EFR3A: variants seen among roughly 807,000 people sequenced by gnomAD.
EFR3A encodes protein EFR3 homolog A.
EFR3A carries 76 observed loss-of-function variants against 104.4 expected under a neutral mutation model. The ratio of observed to expected loss-of-function variants is 0.73; its 90% CI spans 0.60 to 0.88. EFR3A has a LOEUF of 0.88. Among genes scored for constraint, EFR3A ranks in the 40% least tolerant of loss-of-function variants. The pLI is 0.00. For missense variants in EFR3A, 985 were observed against 1,012.5 expected (o/e 0.97, Z 0.37); for synonymous variants, 330 against 330.0 (o/e 1.00, Z 0.00).
At chr8:131,962,841 T>G (rs1450091078) in intron 8 of EFR3A, among the ~76,000 whole-genome samples, 1 of 152,152 alleles carries the variant, frequency 6.6e-6, no homozygotes, top group Non-Finnish European at 1.5e-5. Context: ...TCAGCAAATG[T>G]AAAAGAACAG....
intron 1 of EFR3A, among the ~76,000 whole-genome samples, chr8:131,937,977 T>G (rs1188823102): frequency 6.6e-6 from 1 of 152,102 alleles, no homozygotes; most frequent in East Asian, 1.9e-4. Flanking sequence ...CTACTTTTAT[T>G]AAGCTAGCAA....
Position 131,955,929 on chromosome 8 carries a change from T to G in EFR3A, c.776+24T>G, listed in dbSNP as rs954932175. 6 of 1,609,744 alleles carry G rather than the reference T, an allele frequency of 3.7e-6. No homozygotes were observed. In the African/African-American group the frequency reaches 8.0e-5, roughly 22 times the overall value. ...GCGTAAGTAGTTGGTGTTTTCCTGGTTATTTGTGATTTTGCTGTATTAATT... is the reference window on the plus strand; with the variant it reads ...GCGTAAGTAGTTGGTGTTTTCCTGGGTATTTGTGATTTTGCTGTATTAATT... On this transcript the variant is annotated intron_variant, in intron 7 of 22. Transcript: ENST00000254624.
At chr8:131,983,586 G>A (rs549676606) in intron 14 of EFR3A, among the ~76,000 whole-genome samples, 2 of 151,892 alleles carry the variant, frequency 1.3e-5, no homozygotes, top group Non-Finnish European at 2.9e-5. Flanking sequence ...TGCAATACCT[G>A]GGGAGTTTCT....
At chr8:131,964,679 C>G (rs1819594929) in intron 8 of EFR3A, among the ~76,000 whole-genome samples, 1 of 152,190 alleles carries the variant, frequency 6.6e-6, no homozygotes, top group Non-Finnish European at 1.5e-5. Flanking sequence ...CCATCCCCAT[C>G]AAGCTACCAA....
chr8:131,979,814 G>A (rs1258962116), intron 14 of EFR3A, among the ~76,000 whole-genome samples: 3 of 152,096 alleles, frequency 2.0e-5, no homozygotes, highest in Non-Finnish European at 4.4e-5. Context: ...AGTTTTTGCT[G>A]TCTTATTAGA....
At chr8:131,917,477 G>T (rs1417454143) in intron 1 of EFR3A, among the ~76,000 whole-genome samples, 1 of 152,202 alleles carries the variant, frequency 6.6e-6, no homozygotes, top group East Asian at 1.9e-4. Context: ...TTTGTACAGT[G>T]GTTCAGGGAA....
At chr8:131,907,957 A>G (rs543850672) in intron 1 of EFR3A, among the ~76,000 whole-genome samples, 4 of 151,612 alleles carry the variant, frequency 2.6e-5, no homozygotes, top group Non-Finnish European at 5.9e-5. Context: ...CCCAGATCTC[A>G]TCTTTCAGTC....
chr8:131,943,321 G>C (rs542999092), intron 2 of EFR3A, among the ~76,000 whole-genome samples: 2 of 152,064 alleles, frequency 1.3e-5, no homozygotes, highest in South Asian at 4.2e-4. Flanking sequence ...ATTATATACC[G>C]TAAGTCAATG....
chr8:131,984,680 C>CGT (rs143064689), intron 15 of EFR3A, among the ~76,000 whole-genome samples: 12 of 151,790 alleles, frequency 7.9e-5, no homozygotes, highest in East Asian at 7.8e-4. Flanking sequence ...TATGCATGTC[C>CGT]GTGTGTGTGT....
intron 1 of EFR3A, among the ~76,000 whole-genome samples, chr8:131,918,324 AAAG>A (rs750290414): frequency 6.6e-6 from 1 of 152,178 alleles, no homozygotes; most frequent in Non-Finnish European, 1.5e-5. Flanking sequence ...GTTAAAATTT[AAAG>A]AAGTCTTAGG....
intron 1 of EFR3A, among the ~76,000 whole-genome samples, chr8:131,939,197 A>T (rs1014242594): frequency 6.6e-6 from 1 of 152,128 alleles, no homozygotes; most frequent in Non-Finnish European, 1.5e-5. Flanking sequence ...TCTTATTATT[A>T]TGAAGAAGGC....
chr8:131,984,311 A>T lies in EFR3A; in HGVS notation c.1737+11A>T. 6.5e-7 allele frequency: 1 copy of T among 1,545,960 alleles called. No homozygotes were observed. The highest frequency in any genetic ancestry group is 8.7e-7 in the Non-Finnish European group (1 of 1,148,714). On this transcript the variant is annotated intron_variant, in intron 15 of 22. Coordinates refer to ENST00000254624, the MANE Select transcript of EFR3A (RefSeq NM_015137.6). ...GCCATTGCTTTACAGGTATGCTTTC[A>T]TAACCGTTCACTGCAGAAAACATTT... is the stretch of plus-strand genomic sequence containing the variant.
intron 10 of EFR3A, among the ~76,000 whole-genome samples, chr8:131,971,590 A>G (rs1003188496): frequency 5.9e-5 from 9 of 151,814 alleles, no homozygotes; most frequent in Non-Finnish European, 1.0e-4. Context: ...CGGGAGGCTG[A>G]GGCAGGAGCA....
chr8:131,916,914 C>G (rs959204074), intron 1 of EFR3A, among the ~76,000 whole-genome samples: 3 of 152,188 alleles, frequency 2.0e-5, no homozygotes, highest in South Asian at 2.1e-4. Flanking sequence ...GCAGTTCTGT[C>G]CTATACGTCT....
intron 10 of EFR3A, among the ~76,000 whole-genome samples, chr8:131,972,003 A>T (rs1366400449): frequency 1.3e-5 from 2 of 152,162 alleles, no homozygotes; most frequent in African/African-American, 4.8e-5. Flanking sequence ...TGGCTGCAAA[A>T]TGATGGTTTT....
At chr8:131,938,308 A>G (rs533088861) in intron 1 of EFR3A, 69 of 397,896 alleles carry the variant, frequency 1.7e-4, no homozygotes, top group African/African-American at 1.1e-3. Flanking sequence ...CTACATTTCT[A>G]TACTTGAGTA....
chr8:131,983,033 G>A (rs1248355496), intron 14 of EFR3A, among the ~76,000 whole-genome samples: 1 of 152,062 alleles, frequency 6.6e-6, no homozygotes, highest in Non-Finnish European at 1.5e-5. Flanking sequence ...CTCCTTACGG[G>A]GATGGGACCT....
chr8:132,003,330 T>C (rs1821882808), intron 22 of EFR3A, 45 bp downstream of exon 22: 2 of 1,525,982 alleles, frequency 1.3e-6, no homozygotes, highest in African/African-American at 1.4e-5. Context: ...CACACACGAA[T>C]AGAAACTGAC....
chr8:132,011,460 C>T lies in EFR3A; in HGVS notation c.*565C>T. ...TGATAGGCATTCCTCATCTTCTTCA[C>T]AATAATAGGACATCTGTTGAATAGC... is the stretch of plus-strand genomic sequence containing the variant. On this transcript the variant is annotated 3_prime_UTR_variant, in exon 23 of 23. Coordinates refer to ENST00000254624, the MANE Select transcript of EFR3A (RefSeq NM_015137.6). The T allele has an allele frequency of 2.1e-6, 2 of 965,942 alleles. No homozygotes were observed. Among genetic ancestry groups the T allele is most frequent in the Non-Finnish European group, 2.5e-6 (2 of 812,186 alleles). The allele number at this position is 965,942 out of a possible 1,614,324, so 59.8% of individuals were successfully genotyped here.
Sources: gnomAD v4.1 joint callset for allele counts (sites outside exome capture counted in the v4.1 genomes callset) on GRCh38, gnomAD v4.1.1 for gene constraint, MANE v1.5 for transcripts, NCBI Gene and HGNC (gene_info 2026-07-23, HGNC 2026-07-21) for gene names.